The following DHX15 variants were observed in gnomAD, a reference collection of about 807,000 sequenced individuals.
The protein encoded by DHX15 is ATP-dependent RNA helicase DHX15.
DHX15 carries 11 observed loss-of-function variants against 94.4 expected under a neutral mutation model. The ratio of observed to expected loss-of-function variants is 0.12; its 90% confidence interval spans 0.07 to 0.19. DHX15 has a LOEUF of 0.19. DHX15 is among the 10% of genes least tolerant of loss of function. DHX15 has a pLI of 1.00. For missense variants in DHX15, 304 were observed against 988.5 expected, an observed-to-expected ratio of 0.31 and a Z score of 9.29; for synonymous variants, 338 against 329.9, an observed-to-expected ratio of 1.02 and a Z score of -0.27.
intron 3 of DHX15, among the ~76,000 whole-genome samples, chr4:24,557,947 G>T (rs1291299725): frequency 6.7e-6 from 1 of 148,444 alleles, no homozygotes; most frequent in African/African-American, 2.5e-5. Context: ...ACCTCTCTTA[G>T]CTTCAATAGA....
Position 24,584,457 on chromosome 4 carries a change from A to G in DHX15, c.-64T>C. Reference sequence around the variant, plus strand: ...GCTGGCTGCTGTATGGGCACAGTCGAGGACAGCCACTTAACTCTGGAGGAC... The same window carrying G: ...GCTGGCTGCTGTATGGGCACAGTCGGGGACAGCCACTTAACTCTGGAGGAC... On this transcript the variant is annotated 5_prime_UTR_variant, in exon 1 of 14. Coordinates refer to ENST00000336812, the MANE Select transcript of DHX15 (RefSeq NM_001358.3). The G allele has an allele frequency of 6.6e-7, 1 of 1,511,226 alleles. No individual in the cohort carries two copies. Among genetic ancestry groups the G allele is most frequent in the Non-Finnish European group, 9.0e-7 (1 of 1,107,262 alleles). The allele number at this position is 1,511,226 out of a possible 1,614,324, so 93.6% of individuals were successfully genotyped here.
intron 5 of DHX15, among the ~76,000 whole-genome samples, chr4:24,552,133 A>G (rs1721623039): frequency 6.6e-6 from 1 of 152,212 alleles, no homozygotes. Context: ...AATGCCACAA[A>G]ACTTATCTGC....
chr4:24,542,907 C>T (rs1290228284), intron 7 of DHX15, 33 bp downstream of exon 7: 2 of 1,512,078 alleles, frequency 1.3e-6, no homozygotes, highest in Admixed American at 1.7e-5. Context: ...GTTAAACCAA[C>T]TCTAATTTAT....
intron 11 of DHX15, among the ~76,000 whole-genome samples, chr4:24,534,571 A>C (rs1721155640): frequency 6.6e-6 from 1 of 152,182 alleles, no homozygotes; most frequent in Non-Finnish European, 1.5e-5. Context: ...ATCTCTCACC[A>C]ATACAGTAAA....
chr4:24,546,229 G>A (rs571633415), intron 6 of DHX15, among the ~76,000 whole-genome samples: 1 of 152,256 alleles, frequency 6.6e-6, no homozygotes, highest in African/African-American at 2.4e-5. Flanking sequence ...TTCAGATCCT[G>A]GATCATTAAG....
At chr4:24,560,391 A>G (rs1721845601) in intron 3 of DHX15, among the ~76,000 whole-genome samples, 1 of 151,854 alleles carries the variant, frequency 6.6e-6, no homozygotes, top group South Asian at 2.1e-4. Flanking sequence ...CAAAAACAAA[A>G]TAGTAAAATA....
intron 12 of DHX15, chr4:24,530,878 T>C (rs1721070016): frequency 6.6e-6 from 1 of 152,208 alleles, no homozygotes; most frequent in Non-Finnish European, 1.5e-5. Flanking sequence ...TGTCAGGTAC[T>C]ATAATGCATG....
intron 3 of DHX15, among the ~76,000 whole-genome samples, chr4:24,566,129 A>C (rs1023300400): frequency 2.0e-5 from 3 of 151,724 alleles, no homozygotes; most frequent in African/African-American, 7.3e-5. Context: ...CCTCAGTCTC[A>C]AACTCTTGGG....
intron 3 of DHX15, among the ~76,000 whole-genome samples, chr4:24,558,196 T>C (rs1332856834): frequency 2.0e-5 from 3 of 152,242 alleles, no homozygotes; most frequent in East Asian, 1.9e-4. Flanking sequence ...TGAAAATATG[T>C]ACAGCTAGAT....
chr4:24,559,375 T>TAAAAAAAA (rs535455690), intron 3 of DHX15, among the ~76,000 whole-genome samples: 96 of 93,258 alleles, frequency 1.0e-3, no homozygotes, highest in East Asian at 2.7e-3. Flanking sequence ...TTTAAGCCAC[T>TAAAAAAAA]AAAAAAAAAA....
At chr4:24,558,536 T>C (rs1577343381) in intron 3 of DHX15, among the ~76,000 whole-genome samples, 3 of 152,260 alleles carry the variant, frequency 2.0e-5, no homozygotes, top group African/African-American at 7.2e-5. Flanking sequence ...TTAATGGAAA[T>C]ATTTTATTGT....
rs1430193828 is a variant in DHX15, at chr4:24,549,041, T to C, written c.1081-19A>G. On this transcript the variant is annotated intron_variant, in intron 5 of 13. Coordinates refer to ENST00000336812, the MANE Select transcript of DHX15 (RefSeq NM_001358.3). Reference sequence around the variant, plus strand: ...CAATTTCCTACAAAATAAAAGTGAGTCTAAAAACGAATACTGAAACATTTT... The same window carrying C: ...CAATTTCCTACAAAATAAAAGTGAGCCTAAAAACGAATACTGAAACATTTT... The C allele has an allele frequency of 1.3e-6, 2 of 1,596,252 alleles. No homozygotes were observed. Among genetic ancestry groups the C allele is most frequent in the Non-Finnish European group, 1.7e-6 (2 of 1,170,336 alleles).
At chr4:24,543,408 A>C (rs1211874487) in intron 6 of DHX15, among the ~76,000 whole-genome samples, 1 of 152,146 alleles carries the variant, frequency 6.6e-6, no homozygotes, top group Non-Finnish European at 1.5e-5. Flanking sequence ...ACAAGTGTAT[A>C]TTTCAATGTT....
In DHX15 at chr4:24,555,848, T is replaced by C. The variant is rs115502895; in HGVS notation, c.861+403A>G. ...TCTAAGGAGCTGCCTGTCCTGTGTA[T>C]AGTTATTTCCACTCTCCAGCATTAT... On this transcript the variant is annotated intron_variant, in intron 4 of 13. Coordinates refer to ENST00000336812, the MANE Select transcript of DHX15 (RefSeq NM_001358.3). 8.8e-3 allele frequency among the ~76,000 whole-genome samples: 1,336 copies of C among 152,274 alleles called. 18 individuals are homozygous for C. Among genetic ancestry groups the C allele is most frequent in the Non-Finnish European group, 0.012 (814 of 67,998 alleles).
chr4:24,537,000 C>T, intron 11 of DHX15, 51 bp downstream of exon 11: 1 of 1,578,226 alleles, frequency 6.3e-7, no homozygotes, highest in Non-Finnish European at 8.6e-7. Context: ...ACATCTTATA[C>T]ACTGCAAGTG....
intron 3 of DHX15, among the ~76,000 whole-genome samples, chr4:24,560,001 A>C (rs1721831182): frequency 1.3e-5 from 2 of 152,184 alleles, no homozygotes; most frequent in African/African-American, 4.8e-5. Context: ...GTGACTGCTT[A>C]ATAAAATATA....
At chr4:24,563,773 G>A (rs963657508) in intron 3 of DHX15, among the ~76,000 whole-genome samples, 3 of 152,082 alleles carry the variant, frequency 2.0e-5, no homozygotes, top group Non-Finnish European at 4.4e-5. Context: ...GTTTCAAAAA[G>A]TATGAGGCAA....
rs1188410743 is a variant in DHX15, at chr4:24,533,004, G to A, written c.1960C>T (p.Leu654=). ...TGGCGTACATTGTCTGCGGACATCA[G>A]GGACCTGTAGTTAATGAAGTTGTCA... The part of the protein sequence containing the change: ...CYDNFINYRS[L]MSADNVRQQL... Residue 654 remains leucine (L), a synonymous_variant, in exon 12 of 14, where the codon CTG becomes TTG. Transcript: ENST00000336812. The A allele has an allele frequency of 6.2e-7, 1 of 1,614,094 alleles. No individual in the cohort carries two copies. Among genetic ancestry groups the A allele is most frequent in the Admixed American group, 1.7e-5 (1 of 60,022 alleles).
chr4:24,547,871 CTCT>C, intron 6 of DHX15, among the ~76,000 whole-genome samples: 1 of 9,390 alleles, frequency 1.1e-4, no homozygotes, highest in Non-Finnish European at 1.9e-4. Context: ...GTCTCTCTCT[CTCT>C]CTCTCTCTCT....
Sources: allele counts gnomAD v4.1 joint callset (sites outside exome capture counted in the v4.1 genomes callset), GRCh38; gene constraint gnomAD v4.1.1; transcripts MANE v1.5; gene names NCBI Gene and HGNC (gene_info 2026-07-23, HGNC 2026-07-21).